OPCML: variants seen among roughly 807,000 people sequenced by gnomAD.
OPCML encodes opioid binding protein/cell adhesion molecule like.
OPCML carries 13 observed loss-of-function variants against 37.8 expected under a neutral mutation model. The observed-to-expected ratio is 0.34, with a 90% CI of 0.22 to 0.55. The LOEUF (loss-of-function observed/expected upper bound fraction) is 0.55, where lower values mean the gene tolerates loss of function less well. OPCML is among the 20% of genes least tolerant of loss of function. OPCML has a pLI of 0.91. For synonymous variants in OPCML, 176 were observed against 168.8 expected (o/e 1.04, Z -0.33); for missense variants, 341 against 435.6 (o/e 0.78, Z 1.93).
intron 2 of OPCML, among the ~76,000 whole-genome samples, chr11:132,898,131 C>T (rs980367668): frequency 6.6e-6 from 1 of 152,174 alleles, no homozygotes; most frequent in Non-Finnish European, 1.5e-5. Context: ...TAGCTACAAC[C>T]ACCACTGAGT....
rs1011590633 is a variant in OPCML at position 133,205,743 on chromosome 11, G to T, written c.62-262733C>A. 6.6e-6 allele frequency among the ~76,000 whole-genome samples: 1 copy of T among 152,194 alleles called. No individual in the cohort carries two copies. Among genetic ancestry groups the T allele is most frequent in the East Asian group, 1.9e-4 (1 of 5,188 alleles). Reference sequence around the variant, plus strand: ...CTTGTCTTTAAGAATTATCCTGGATGAGTAAGAATCCCAAGAAAATGCCAC... The same window carrying T: ...CTTGTCTTTAAGAATTATCCTGGATTAGTAAGAATCCCAAGAAAATGCCAC... On this transcript the variant is annotated intron_variant, in intron 1 of 7. Transcript: ENST00000524381. This position sits in a 1 kb window ranked among gnomAD's most constrained non-coding sequence, Gnocchi z 4.8.
At chr11:133,265,277 G>T (rs958376382) in intron 1 of OPCML, among the ~76,000 whole-genome samples, 3 of 152,202 alleles carry the variant, frequency 2.0e-5, no homozygotes, top group Admixed American at 6.5e-5. Flanking sequence ...AACTAGCAAT[G>T]TCTGACTCAG....
At chr11:133,409,988 C>T (rs979779421) in intron 1 of OPCML, among the ~76,000 whole-genome samples, 4 of 151,888 alleles carry the variant, frequency 2.6e-5, no homozygotes, top group African/African-American at 7.3e-5. Context: ...AGAGGAAGGA[C>T]GTGCTAGAAG....
intron 2 of OPCML, among the ~76,000 whole-genome samples, chr11:132,671,835 G>GA (rs897799482): frequency 1.3e-5 from 2 of 150,584 alleles, no homozygotes; most frequent in East Asian, 1.9e-4. Context: ...AGAAAAGGAA[G>GA]AAAAAAAAGA....
intron 2 of OPCML, among the ~76,000 whole-genome samples, chr11:132,681,892 T>A (rs1942960739): frequency 6.6e-6 from 1 of 151,624 alleles, no homozygotes; most frequent in African/African-American, 2.4e-5. Context: ...GAGGTGGAGC[T>A]TGCAGTGAGC....
intron 2 of OPCML, among the ~76,000 whole-genome samples, chr11:132,764,512 G>T (rs751791478): frequency 4.6e-5 from 7 of 152,178 alleles, no homozygotes; most frequent in Non-Finnish European, 8.8e-5. Flanking sequence ...AACCTCCGGG[G>T]ATCAGGTTCC....
chr11:132,529,816 A>C (rs919416776), intron 3 of OPCML, among the ~76,000 whole-genome samples: 3 of 152,172 alleles, frequency 2.0e-5, no homozygotes, highest in Non-Finnish European at 4.4e-5. Context: ...AAAATCCTGG[A>C]TCCAACCAGC....
In OPCML at chr11:132,888,231, C is replaced by G. The variant is rs202135312; in HGVS notation, c.146+54695G>C. ...CAAGATCTGGGTGGGACGTCTCACC[C>G]CATACCACAAGGCACATGGGCCCAA... On this transcript the variant is annotated intron_variant, in intron 2 of 7. Coordinates refer to ENST00000524381, the MANE Select transcript of OPCML (RefSeq NM_001012393.5). Among the ~76,000 whole-genome samples the G allele has an allele frequency of 1.7e-4, 26 of 152,298 alleles. No homozygotes were observed. The East Asian group carries it at 3.1e-3, about 18-fold the overall frequency.
chr11:133,231,136 C>T (rs1485771818), intron 1 of OPCML, among the ~76,000 whole-genome samples: 1 of 152,180 alleles, frequency 6.6e-6, no homozygotes, highest in East Asian at 1.9e-4. Context: ...TCTGTTCTAA[C>T]ATACGATATG....
intron 2 of OPCML, among the ~76,000 whole-genome samples, chr11:132,864,757 G>T (rs1444028138): frequency 6.6e-6 from 1 of 152,186 alleles, no homozygotes; most frequent in African/African-American, 2.4e-5. Context: ...CTTGAAAGTG[G>T]TTCTCTACCC....
chr11:133,518,333 G>A (rs1023577012), intron 1 of OPCML, among the ~76,000 whole-genome samples: 2 of 151,088 alleles, frequency 1.3e-5, no homozygotes, highest in African/African-American at 4.9e-5. Context: ...GTGTGTGTGT[G>A]TGGGTGTGTT....
Position 133,206,015 on chromosome 11 carries a change from G to T in OPCML, c.62-263005C>A, listed in dbSNP as rs1353926241. ...GTGAGATGGAGATGCTACTACTGCC[G>T]TGAGGAATACAAGAGCTAATGTACA... On this transcript the variant is annotated intron_variant, in intron 1 of 7. Coordinates refer to ENST00000524381, the MANE Select transcript of OPCML (RefSeq NM_001012393.5). This position sits in a 1 kb window ranked among gnomAD's most constrained non-coding sequence, Gnocchi z 4.7. 6.6e-6 allele frequency among the ~76,000 whole-genome samples: 1 copy of T among 152,300 alleles called. No individual in the cohort carries two copies. Among genetic ancestry groups the T allele is most frequent in the Admixed American group, 6.5e-5 (1 of 15,302 alleles).
At chr11:133,197,073 T>C (rs1378190364) in intron 1 of OPCML, among the ~76,000 whole-genome samples, 2 of 152,226 alleles carry the variant, frequency 1.3e-5, no homozygotes, top group African/African-American at 2.4e-5. Context: ...TGTGCTGTCT[T>C]AGTTAAATTA....
intron 1 of OPCML, among the ~76,000 whole-genome samples, chr11:133,516,217 C>T (rs1380272981): frequency 3.9e-5 from 6 of 152,158 alleles, no homozygotes; most frequent in Non-Finnish European, 8.8e-5. Context: ...TCTGAGGTAC[C>T]TGGAGAGGCT....
chr11:133,511,793 T>C (rs1233741900), intron 1 of OPCML, among the ~76,000 whole-genome samples: 1 of 152,154 alleles, frequency 6.6e-6, no homozygotes, highest in East Asian at 1.9e-4. Context: ...ATTATAAGAT[T>C]TTCTCCACTA....
intron 3 of OPCML, among the ~76,000 whole-genome samples, chr11:132,564,946 C>T (rs1220907202): frequency 6.6e-6 from 1 of 152,202 alleles, no homozygotes; most frequent in Non-Finnish European, 1.5e-5. Flanking sequence ...TGTGGAACTT[C>T]TGTTTCCCCA....
intron 2 of OPCML, among the ~76,000 whole-genome samples, chr11:132,920,653 T>C (rs546372388): frequency 9.3e-4 from 142 of 152,262 alleles, no homozygotes; most frequent in African/African-American, 3.3e-3. Flanking sequence ...GCCCTTCTTG[T>C]TATTACCTCC....
At chr11:133,071,967 G>A (rs898785897) in intron 1 of OPCML, among the ~76,000 whole-genome samples, 1 of 152,154 alleles carries the variant, frequency 6.6e-6, no homozygotes, top group African/African-American at 2.4e-5. Context: ...CGGAGTTAGC[G>A]GTAGTGAAGT....
chr11:133,381,761 A>T (rs183483046), intron 1 of OPCML, among the ~76,000 whole-genome samples: 1 of 152,322 alleles, frequency 6.6e-6, no homozygotes, highest in East Asian at 1.9e-4. Flanking sequence ...CTGAGTCAGG[A>T]TTTGTTCTTC....
Sources: gnomAD v4.1 joint callset for allele counts (sites outside exome capture counted in the v4.1 genomes callset) on GRCh38, gnomAD v4.1.1 for gene constraint, Gnocchi (gnomAD v3.1) non-coding constraint, MANE v1.5 for transcripts, NCBI Gene and HGNC (gene_info 2026-07-23, HGNC 2026-07-21) for gene names.